ELAVL3: variants seen among roughly 807,000 people sequenced by gnomAD.
ELAVL3 encodes ELAV-like protein 3.
Under a neutral mutation model 34.2 loss-of-function variants are expected in ELAVL3, and 8 were observed. That is an observed-to-expected ratio of 0.23 (90% CI 0.14 to 0.42). ELAVL3 has a LOEUF of 0.42. Among genes scored for constraint, ELAVL3 ranks in the 10% least tolerant of loss-of-function variants. ELAVL3 has a pLI of 1.00. For missense variants in ELAVL3, 273 were observed against 518.8 expected, an observed-to-expected ratio of 0.53 and a Z score of 4.60; for synonymous variants, 209 against 222.1, an observed-to-expected ratio of 0.94 and a Z score of 0.53.
intron 1 of ELAVL3, among the ~76,000 whole-genome samples, chr19:11,479,767 G>A (rs1971337119): frequency 6.6e-6 from 1 of 151,828 alleles, no homozygotes; most frequent in Non-Finnish European, 1.5e-5. Context: ...CCGAGCGCGG[G>A]GCTAGCGGTG....
At chr19:11,467,116 C>T (rs964619677) in intron 1 of ELAVL3, among the ~76,000 whole-genome samples, 1 of 152,098 alleles carries the variant, frequency 6.6e-6, no homozygotes, top group Non-Finnish European at 1.5e-5. Context: ...AAATAAAAAA[C>T]GCTTTCACAC....
Position 11,460,372 on chromosome 19 carries a change from G to A in ELAVL3, c.334-1761C>T, listed in dbSNP as rs1201770953. On this transcript the variant is annotated intron_variant, in intron 3 of 6. Transcript: ENST00000359227. ...ATCCCCCACTGTCTGTCCCCCCTAC[G>A]GCAGCCAGAGGGCGCCTGTGAACAC... 4.1e-5 allele frequency among the ~76,000 whole-genome samples: 4 copies of A among 97,968 alleles called. No individual in the cohort carries two copies. In the East Asian group the frequency reaches 8.5e-4, roughly 21 times the overall value. 64.3% of individuals were successfully genotyped at this position (97,968 alleles called of 152,430 possible).
rs552064746 is a variant in ELAVL3 at position 11,466,965 on chromosome 19, T to C, written c.10-138A>G. Reference sequence around the variant, plus strand: ...GGGAGGGGTCACTTTATTATTCTAATGATGGGAATAATGATGGGATTCCAT... The same window carrying C: ...GGGAGGGGTCACTTTATTATTCTAACGATGGGAATAATGATGGGATTCCAT... On this transcript the variant is annotated intron_variant, in intron 1 of 6. Coordinates refer to ENST00000359227, the MANE Select transcript of ELAVL3 (RefSeq NM_001420.4). This position sits in a 1 kb window ranked among gnomAD's most constrained non-coding sequence, Gnocchi z 5.0. The C allele has an allele frequency of 7.3e-5, 48 of 654,678 alleles. No individual in the cohort carries two copies. Among genetic ancestry groups the C allele is most frequent in the Admixed American group, 6.7e-4 (23 of 34,094 alleles). 40.6% of individuals were successfully genotyped at this position (654,678 alleles called of 1,614,324 possible).
intron 3 of ELAVL3, among the ~76,000 whole-genome samples, chr19:11,460,378 C>T (rs1266852145): frequency 6.6e-6 from 1 of 150,964 alleles, no homozygotes; most frequent in Non-Finnish European, 1.5e-5. Context: ...CTACGGCAGC[C>T]AGAGGGCGCC....
At chr19:11,460,653 G>T (rs1268220136) in intron 3 of ELAVL3, among the ~76,000 whole-genome samples, 2 of 152,082 alleles carry the variant, frequency 1.3e-5, no homozygotes, top group Admixed American at 6.6e-5. Context: ...TGCCTGGAAT[G>T]CTCTTCCTCC....
intron 1 of ELAVL3, among the ~76,000 whole-genome samples, chr19:11,477,052 T>C (rs1971276511): frequency 6.6e-6 from 1 of 152,208 alleles, no homozygotes; most frequent in Non-Finnish European, 1.5e-5. Context: ...TGCCGTGCCC[T>C]GGGCATCATG....
At chr19:11,464,782 C>A (rs1568382512) in intron 3 of ELAVL3, among the ~76,000 whole-genome samples, 1 of 117,884 alleles carries the variant, frequency 8.5e-6, no homozygotes, top group African/African-American at 3.3e-5. Context: ...CACACATACA[C>A]CACACACACC....
intron 1 of ELAVL3, among the ~76,000 whole-genome samples, chr19:11,470,609 G>A (rs1277781568): frequency 2.0e-5 from 3 of 151,956 alleles, no homozygotes; most frequent in Non-Finnish European, 2.9e-5. Context: ...CCTGGGAGGC[G>A]GGGGTTGCGG....
At chr19:11,457,961 A>G in intron 5 of ELAVL3, 100 bp downstream of exon 5, 1 of 1,312,142 alleles carries the variant, frequency 7.6e-7, no homozygotes, top group Non-Finnish European at 1.1e-6. Flanking sequence ...ATGTGTGCGC[A>G]CCCTCCCGGC....
rs1400560043 is a variant in ELAVL3, at chr19:11,466,445, A to G, written c.229+163T>C. The stretch of plus-strand genomic sequence containing the variant: ...TGCCTCCATCGCTCCTGAGACCTTC[A>G]CCTAGGGGGTATACCCATCTCCCCA... On this transcript the variant is annotated intron_variant, in intron 2 of 6. Transcript: ENST00000359227. This position sits in a 1 kb window ranked among gnomAD's most constrained non-coding sequence, Gnocchi z 5.0. Among the ~76,000 whole-genome samples, 1 of 150,238 alleles carries G rather than the reference A, an allele frequency of 6.7e-6. No homozygotes were observed. The highest frequency in any genetic ancestry group is 1.5e-5 in the Non-Finnish European group (1 of 67,524).
rs376275046 is a variant in ELAVL3 at position 11,458,027 on chromosome 19, C to T, written c.713+34G>A. The T allele has an allele frequency of 5.1e-5, 81 of 1,599,924 alleles. No homozygotes were observed. In the South Asian group the frequency reaches 5.4e-4, roughly 11 times the overall value. On this transcript the variant is annotated intron_variant, in intron 5 of 6. Transcript: ENST00000359227. This position sits in a 1 kb window ranked among gnomAD's most constrained non-coding sequence, Gnocchi z 7.3. ...GGAGGGTTGCAAGCTTGGGGGCACCCGGCCTGGGGCCATCTGGCTGGCAGG... is the reference window on the plus strand; with the variant it reads ...GGAGGGTTGCAAGCTTGGGGGCACCTGGCCTGGGGCCATCTGGCTGGCAGG...
At chr19:11,465,589 C>G (rs1046550968) in intron 3 of ELAVL3, among the ~76,000 whole-genome samples, 1 of 127,732 alleles carries the variant, frequency 7.8e-6, no homozygotes, top group South Asian at 2.1e-4. Context: ...AGATGGGCCA[C>G]CCCCCCGACC....
At chr19:11,477,910 G>A (rs1292435591) in intron 1 of ELAVL3, among the ~76,000 whole-genome samples, 10 of 151,974 alleles carry the variant, frequency 6.6e-5, no homozygotes, top group South Asian at 4.2e-4. Context: ...GGCTGGTCTC[G>A]AACTCCTGAC....
chr19:11,466,763 C>T lies in ELAVL3; in HGVS notation c.74G>A (p.Gly25Glu). 1.2e-6 allele frequency: 2 copies of T among 1,614,182 alleles called. No individual in the cohort carries two copies. Among genetic ancestry groups the T allele is most frequent in the South Asian group, 2.2e-5 (2 of 91,086 alleles). ...GGCTCCATTTGTACCAAGGAGTGGC[C>T]CGTTGGGCAGGGCCGGGCCGGCCGG... ...GGPAGPALPN[G>E]PLLGTNGATD... The change falls in exon 2 of 7, where the codon GGG becomes GAG. Residue 25 changes from glycine (G) to glutamate (E), a missense_variant. Physicochemically the swap from Gly to Glu is moderately conservative, Grantham distance 98. Coordinates refer to ENST00000359227, the MANE Select transcript of ELAVL3 (RefSeq NM_001420.4). This position sits in a 1 kb window ranked among gnomAD's most constrained non-coding sequence, Gnocchi z 5.0.
In ELAVL3 at chr19:11,458,392, C is replaced by A. The variant is rs577856022; in HGVS notation, c.487+66G>T. ...CCTGGCATCTTGGTCGGTTTCCCCA[C>A]GTTGGTCCCACCTGACTGCCTTTGC... On this transcript the variant is annotated intron_variant, in intron 4 of 6. Coordinates refer to ENST00000359227, the MANE Select transcript of ELAVL3 (RefSeq NM_001420.4). The surrounding 1 kb of genome is among the most constrained non-coding windows in gnomAD (Gnocchi z 7.3). 8 of 1,608,694 alleles carry A rather than the reference C, an allele frequency of 5.0e-6. No individual in the cohort carries two copies. The South Asian group carries it at 7.7e-5, about 16-fold the overall frequency.
At chr19:11,470,835 C>T (rs1342000679) in intron 1 of ELAVL3, among the ~76,000 whole-genome samples, 1 of 152,076 alleles carries the variant, frequency 6.6e-6, no homozygotes, top group Non-Finnish European at 1.5e-5. Context: ...AATGTGAAGA[C>T]CACTCTACAA....
rs1971046103 is a variant in ELAVL3 at position 11,466,051 on chromosome 19, T to G, written c.333+121A>C. 2 of 876,490 alleles carry G rather than the reference T, an allele frequency of 2.3e-6. No homozygotes were observed. The highest frequency in any genetic ancestry group is 3.6e-6 in the Non-Finnish European group (2 of 554,922). The allele number at this position is 876,490 out of a possible 1,614,324, so 54.3% of individuals were successfully genotyped here. ...CTTGGAGGGGAGATTTGAGCCCCTC[T>G]GGGGATGAGTCCTGAAAGGCAGTGG... is the stretch of plus-strand genomic sequence containing the variant. On this transcript the variant is annotated intron_variant, in intron 3 of 6. Transcript: ENST00000359227. The surrounding 1 kb of genome is among the most constrained non-coding windows in gnomAD (Gnocchi z 5.0).
Position 11,454,919 on chromosome 19 carries a change from T to A in ELAVL3, c.753-42A>T, listed in dbSNP as rs1257112199. On this transcript the variant is annotated intron_variant, in intron 6 of 6. Coordinates refer to ENST00000359227, the MANE Select transcript of ELAVL3 (RefSeq NM_001420.4). This position sits in a 1 kb window ranked among gnomAD's most constrained non-coding sequence, Gnocchi z 9.2. ...GCGGGCTCTGCCCTGACCCCCCGCA[T>A]GCTTCTGACCCCGTTGTGACCCTTC... 1 of 1,553,974 alleles carries A rather than the reference T, an allele frequency of 6.4e-7. No homozygotes were observed. The highest frequency in any genetic ancestry group is 8.7e-7 in the Non-Finnish European group (1 of 1,153,846).
chr19:11,459,127 C>CT (rs774008466), intron 3 of ELAVL3, among the ~76,000 whole-genome samples: 225 of 123,698 alleles, frequency 1.8e-3, no homozygotes, highest in South Asian at 2.9e-3. Context: ...TTTTTTTTTT[C>CT]TTTTTTTTTT....
Sources: allele counts gnomAD v4.1 joint callset (sites outside exome capture counted in the v4.1 genomes callset), GRCh38; gene constraint gnomAD v4.1.1; non-coding constraint Gnocchi (gnomAD v3.1); transcripts MANE v1.5; gene names NCBI Gene and HGNC (gene_info 2026-07-23, HGNC 2026-07-21).